The following SNAP23 variants were observed in gnomAD, a reference collection of about 807,000 sequenced individuals.
SNAP23 encodes the protein synaptosome associated protein 23.
A neutral mutation model predicts 29.0 loss-of-function variants in SNAP23; 11 were observed. That is an observed-to-expected ratio of 0.38 (90% CI 0.24 to 0.63). The LOEUF (loss-of-function observed/expected upper bound fraction) is 0.63. Ranked by LOEUF, SNAP23 falls within the 20% of genes least tolerant of loss-of-function variation. The pLI, the probability that SNAP23 is intolerant of heterozygous loss-of-function variation, is 0.58. For synonymous variants in SNAP23, 60 were observed against 82.9 expected, an observed-to-expected ratio of 0.72 and a Z score of 1.50; for missense variants, 220 against 253.9, an observed-to-expected ratio of 0.87 and a Z score of 0.91.
intron 1 of SNAP23, among the ~76,000 whole-genome samples, chr15:42,504,578 A>G (rs1447899023): frequency 1.3e-5 from 2 of 152,212 alleles, no homozygotes; most frequent in African/African-American, 4.8e-5. Flanking sequence ...CAGTAAAAAT[A>G]TTAATATAAT....
intron 5 of SNAP23, chr15:42,521,564 C>G: frequency 6.6e-7 from 1 of 1,520,764 alleles, no homozygotes; most frequent in Non-Finnish European, 8.8e-7. Context: ...TTCTGCATTT[C>G]ATTCTCTCAC....
intron 1 of SNAP23, among the ~76,000 whole-genome samples, chr15:42,510,510 G>A (rs1699223467): frequency 6.6e-6 from 1 of 152,170 alleles, no homozygotes; most frequent in Non-Finnish European, 1.5e-5. Flanking sequence ...TGGCTCTAGT[G>A]ATTCTTTGCG....
intron 1 of SNAP23, among the ~76,000 whole-genome samples, chr15:42,500,325 A>T (rs993274077): frequency 6.6e-6 from 1 of 150,998 alleles, no homozygotes; most frequent in African/African-American, 2.4e-5. Flanking sequence ...CCATTACTAT[A>T]TTTTGTTTCC....
upstream of SNAP23, among the ~76,000 whole-genome samples, chr15:42,494,395 CTTTTT>C (rs775698216): frequency 2.2e-5 from 3 of 133,980 alleles, no homozygotes; most frequent in East Asian, 6.5e-4. Context: ...CCTTGAAGCA[CTTTTT>C]TTTTTTTTTT....
At chr15:42,528,212 C>G (rs1360503194) in intron 5 of SNAP23, 50 bp from the exon 6 acceptor site, 4 of 1,541,358 alleles carry the variant, frequency 2.6e-6, no homozygotes, top group Non-Finnish European at 3.6e-6. Context: ...AATTAGAACT[C>G]TCCGTCTTCT....
At chr15:42,494,395 C>CTT (rs775698216), upstream of SNAP23, among the ~76,000 whole-genome samples, 13,716 of 133,864 alleles carry the variant, frequency 0.1, 843 homozygotes, top group South Asian at 0.16. Flanking sequence ...CCTTGAAGCA[C>CTT]TTTTTTTTTT....
intron 6 of SNAP23, 40 bp from the exon 7 acceptor site, chr15:42,529,635 T>C: frequency 6.3e-7 from 1 of 1,592,068 alleles, no homozygotes; most frequent in Non-Finnish European, 8.5e-7. Flanking sequence ...TTTATTTAAA[T>C]TCAACAAAAC....
chr15:42,528,857 A>T (rs540498740), intron 6 of SNAP23, among the ~76,000 whole-genome samples: 3 of 152,336 alleles, frequency 2.0e-5, no homozygotes, highest in African/African-American at 7.2e-5. Context: ...AAGTGCTGGG[A>T]TTACAGGCAT....
At chr15:42,529,849 G>A (rs767248393) in intron 7 of SNAP23, 30 bp downstream of exon 7, 5 of 1,607,826 alleles carry the variant, frequency 3.1e-6, no homozygotes. Context: ...ACAAGAAAAT[G>A]AGACACCCAG....
intron 1 of SNAP23, among the ~76,000 whole-genome samples, chr15:42,511,271 T>A (rs1340088788): frequency 6.6e-6 from 1 of 152,200 alleles, no homozygotes; most frequent in African/African-American, 2.4e-5. Context: ...TAATGCATAA[T>A]AAAAACCTTA....
intron 5 of SNAP23, among the ~76,000 whole-genome samples, chr15:42,518,217 C>G (rs903134383): frequency 6.6e-6 from 1 of 152,144 alleles, no homozygotes; most frequent in African/African-American, 2.4e-5. Context: ...CTGTTCCTAT[C>G]ATTCTTGCCT....
At chr15:42,528,495 A>G (rs1333049159) in intron 6 of SNAP23, 75 bp downstream of exon 6, 2 of 1,324,214 alleles carry the variant, frequency 1.5e-6, no homozygotes, top group Non-Finnish European at 2.1e-6. Flanking sequence ...TTAGCAGTAC[A>G]TGACCCCTAA....
intron 1 of SNAP23, among the ~76,000 whole-genome samples, chr15:42,499,071 T>A: frequency 1.3e-5 from 2 of 151,514 alleles, no homozygotes; most frequent in Middle Eastern, 3.5e-3. Flanking sequence ...AAAGGTCACA[T>A]CTTTTTTTTT....
At chr15:42,509,096 T>C (rs1479849536) in intron 1 of SNAP23, among the ~76,000 whole-genome samples, 2 of 152,006 alleles carry the variant, frequency 1.3e-5, no homozygotes, top group Admixed American at 6.6e-5. Flanking sequence ...TGGGGTATTA[T>C]AGAAAGGAAA....
intron 7 of SNAP23, among the ~76,000 whole-genome samples, chr15:42,530,155 C>T (rs964185668): frequency 2.6e-5 from 4 of 152,134 alleles, no homozygotes; most frequent in Admixed American, 2.6e-4. Context: ...AGAATGGGGT[C>T]TTGCTCTGTC....
chr15:42,531,850 T>G lies in SNAP23; in HGVS notation c.*372T>G, dbSNP rs2057569088. On this transcript the variant is annotated 3_prime_UTR_variant, in exon 8 of 8. Coordinates refer to ENST00000249647, the MANE Select transcript of SNAP23 (RefSeq NM_003825.4). ...GTTTTTTGTTGTTGTTTATTTTTGCTTTTGTGGTTGAGGGAAGGACAAGAG... is the reference window on the plus strand; with the variant it reads ...GTTTTTTGTTGTTGTTTATTTTTGCGTTTGTGGTTGAGGGAAGGACAAGAG... The G allele has an allele frequency of 6.3e-6, 1 of 159,202 alleles. No individual in the cohort carries two copies. Among genetic ancestry groups the G allele is most frequent in the South Asian group, 2.0e-4 (1 of 4,948 alleles). 9.9% of individuals were successfully genotyped at this position (159,202 alleles called of 1,614,324 possible). A position where few individuals can be genotyped will look rare whatever the true frequency, so the allele number is the denominator to read the frequency against.
intron 1 of SNAP23, among the ~76,000 whole-genome samples, chr15:42,502,047 A>C (rs2595941): frequency 0.64 from 81,860 of 128,628 alleles, 28,083 homozygotes; most frequent in East Asian, 0.8. Context: ...TTTTTTTTTG[A>C]GACGGAGTCT....
intron 4 of SNAP23, among the ~76,000 whole-genome samples, chr15:42,514,668 A>G (rs922811409): frequency 2.7e-5 from 4 of 150,558 alleles, no homozygotes; most frequent in Non-Finnish European, 5.9e-5. Flanking sequence ...TGATCTCTAA[A>G]TAACCGTCCC....
chr15:42,518,187 G>A (rs150091832), intron 5 of SNAP23, among the ~76,000 whole-genome samples: 3 of 152,266 alleles, frequency 2.0e-5, no homozygotes, highest in East Asian at 1.9e-4. Flanking sequence ...TGGCCAGTAT[G>A]ATATCTCTTA....
Sources: gnomAD v4.1 joint callset for allele counts (sites outside exome capture counted in the v4.1 genomes callset) on GRCh38, gnomAD v4.1.1 for gene constraint, MANE v1.5 for transcripts, NCBI Gene and HGNC (gene_info 2026-07-23, HGNC 2026-07-21) for gene names.